Variants in ZNF609 observed in about 807,000 individuals in gnomAD.
ZNF609 encodes zinc finger protein 609.
ZNF609 carries 11 observed loss-of-function variants against 109.5 expected under a neutral mutation model. The observed-to-expected ratio is 0.10, with a 90% CI of 0.06 to 0.17. The LOEUF (loss-of-function observed/expected upper bound fraction) is 0.17, where lower values mean the gene tolerates loss of function less well. Among genes scored for constraint, ZNF609 ranks in the 10% least tolerant of loss-of-function variants. The pLI is 1.00. For synonymous variants in ZNF609, 646 were observed against 662.0 expected, an observed-to-expected ratio of 0.98 and a Z score of 0.37; for missense variants, 1,559 against 1,772.4, an observed-to-expected ratio of 0.88 and a Z score of 2.16.
intron 2 of ZNF609, among the ~76,000 whole-genome samples, chr15:64,604,959 G>A (rs183292870): frequency 7.2e-4 from 109 of 152,196 alleles, no homozygotes; most frequent in African/African-American, 2.5e-3. Context: ...AGCCTCCTGA[G>A]TAGCTGGGAT....
intron 6 of ZNF609, among the ~76,000 whole-genome samples, chr15:64,679,674 G>A (rs1256416466): frequency 6.6e-6 from 1 of 152,180 alleles, no homozygotes; most frequent in African/African-American, 2.4e-5. Context: ...TTTGTTGAGT[G>A]CTCGCCCTGA....
chr15:64,551,248 ATAAGG>A lies in ZNF609; in HGVS notation c.747+51088_747+51092del, dbSNP rs149263917. ...ATTTTGAATTAATTTTTGTTATGGT[ATAAGG>A]TAAGGGTCCAGCTTTTATCTTATGA... On this transcript the variant is annotated intron_variant, in intron 2 of 9. Coordinates refer to ENST00000326648, the MANE Select transcript of ZNF609 (RefSeq NM_015042.2). Among the ~76,000 whole-genome samples, 546 of 152,266 alleles carry A rather than the reference ATAAGG, an allele frequency of 3.6e-3. 2 individuals are homozygous for A. The highest frequency in any genetic ancestry group is 0.011 in the African/African-American group (469 of 41,546).
intron 1 of ZNF609, among the ~76,000 whole-genome samples, chr15:64,475,748 A>G (rs1050555672): frequency 1.3e-5 from 2 of 152,090 alleles, no homozygotes; most frequent in African/African-American, 4.8e-5. Flanking sequence ...CCCTCATTTT[A>G]AGCTCGTGAG....
chr15:64,683,423 TC>T lies in ZNF609; in HGVS notation c.*1741del, dbSNP rs1256506297. On this transcript the variant is annotated 3_prime_UTR_variant, in exon 10 of 10. Coordinates refer to ENST00000326648, the MANE Select transcript of ZNF609 (RefSeq NM_015042.2). ...TAGGGTCACCATCTGCTCAAGAGGA[TC>T]CCCTCTGATCTACAGGCCTTTTCCC... 6.5e-6 allele frequency: 1 copy of T among 152,676 alleles called. No homozygotes were observed. Among genetic ancestry groups the T allele is most frequent in the Non-Finnish European group, 1.5e-5 (1 of 68,068 alleles). 9.5% of individuals were successfully genotyped at this position (152,676 alleles called of 1,614,324 possible). A position where few individuals can be genotyped will look rare whatever the true frequency, so the allele number is the denominator to read the frequency against.
At chr15:64,672,956 C>T (rs556651804) in intron 4 of ZNF609, among the ~76,000 whole-genome samples, 44 of 143,990 alleles carry the variant, frequency 3.1e-4, no homozygotes, top group African/African-American at 1.2e-3. Flanking sequence ...GAGCAAGACT[C>T]CATCTCAAAA....
At chr15:64,534,658 A>G (rs1013649441) in intron 2 of ZNF609, among the ~76,000 whole-genome samples, 3 of 152,090 alleles carry the variant, frequency 2.0e-5, no homozygotes, top group Non-Finnish European at 4.4e-5. Flanking sequence ...TGCACATGTG[A>G]ACACAGTATA....
chr15:64,629,203 T>G (rs544592913), intron 3 of ZNF609, among the ~76,000 whole-genome samples: 1 of 152,326 alleles, frequency 6.6e-6, no homozygotes, highest in South Asian at 2.1e-4. Flanking sequence ...TGCTGAAATA[T>G]CGGTCAATTC....
intron 2 of ZNF609, among the ~76,000 whole-genome samples, chr15:64,548,746 A>T (rs1894410594): frequency 6.6e-6 from 1 of 152,210 alleles, no homozygotes; most frequent in African/African-American, 2.4e-5. Context: ...TGGGCAACAG[A>T]ACAAGATCCT....
intron 2 of ZNF609, among the ~76,000 whole-genome samples, chr15:64,518,832 T>TA (rs57052741): frequency 0.047 from 7,078 of 152,064 alleles, 547 homozygotes; most frequent in African/African-American, 0.16. Context: ...TGGAACCACT[T>TA]ACTCATAGGA....
intron 2 of ZNF609, among the ~76,000 whole-genome samples, chr15:64,565,459 C>G (rs1894761508): frequency 6.6e-6 from 1 of 152,054 alleles, no homozygotes; most frequent in Non-Finnish European, 1.5e-5. Flanking sequence ...CTAGGATAAA[C>G]TAAGTACTAT....
chr15:64,489,240 C>T (rs781255471), intron 1 of ZNF609, among the ~76,000 whole-genome samples: 3 of 151,644 alleles, frequency 2.0e-5, no homozygotes, highest in African/African-American at 4.9e-5. Context: ...GGATGGAGTG[C>T]AGTGGCGCGA....
At chr15:64,642,884 A>G (rs900509050) in intron 3 of ZNF609, among the ~76,000 whole-genome samples, 2 of 152,346 alleles carry the variant, frequency 1.3e-5, no homozygotes, top group Admixed American at 6.5e-5. Flanking sequence ...CACCAATTTA[A>G]GAAGAAAATC....
intron 3 of ZNF609, among the ~76,000 whole-genome samples, chr15:64,645,774 G>A (rs1896326326): frequency 6.6e-6 from 1 of 152,124 alleles, no homozygotes; most frequent in Admixed American, 6.5e-5. Flanking sequence ...ATAATCACAT[G>A]AAAAGATGCT....
chr15:64,671,098 T>C (rs557820071), intron 4 of ZNF609, among the ~76,000 whole-genome samples: 69 of 148,134 alleles, frequency 4.7e-4, no homozygotes, highest in African/African-American at 1.5e-3. Flanking sequence ...TAGTCCCAGC[T>C]ACTCGGGAGG....
chr15:64,512,187 TAGG>T lies in ZNF609; in HGVS notation c.747+12024_747+12026del, dbSNP rs536398598. On this transcript the variant is annotated intron_variant, in intron 2 of 9. Coordinates refer to ENST00000326648, the MANE Select transcript of ZNF609 (RefSeq NM_015042.2). ...CCTGATTTCTCATTATCACCTTAAT[TAGG>T]AGAATTAATTATTGAATTTCTGACA... 1.9e-3 allele frequency among the ~76,000 whole-genome samples: 288 copies of T among 152,274 alleles called. 1 individual carries two copies. Among genetic ancestry groups the T allele is most frequent in the Admixed American group, 2.9e-3 (45 of 15,300 alleles).
At chr15:64,592,890 G>A in intron 2 of ZNF609, 2 of 673,360 alleles carry the variant, frequency 3.0e-6, no homozygotes, top group Non-Finnish European at 5.1e-6. Context: ...CCCAGCCTGG[G>A]CAACAGAGCA....
Position 64,675,298 on chromosome 15 carries a change from A to C in ZNF609, c.2444A>C (p.Asn815Thr). 1 of 1,614,062 alleles carries C rather than the reference A, an allele frequency of 6.2e-7. No homozygotes were observed. The highest frequency in any genetic ancestry group is 8.5e-7 in the Non-Finnish European group (1 of 1,180,006). The change falls in exon 5 of 10, where the codon AAC becomes ACC. Residue 815 changes from asparagine to threonine, a missense_variant. Physicochemically the swap from Asn to Thr is moderately conservative, Grantham distance 65. This residue lies in a region of ZNF609 where 1,204 missense variants were observed against 1,314.1 expected (regional missense o/e 0.92). Transcript: ENST00000326648. Reference protein sequence around the residue: ...PSIGGSSRLENTTPTQPLTPL... With the variant: ...PSIGGSSRLETTTPTQPLTPL... ...ATTGGAGGCAGTAGCCGCCTTGAAA[A>C]CACTACCCCTACTCAGCCCCTGACT... is the stretch of plus-strand genomic sequence containing the variant.
At chr15:64,613,150 G>A (rs1895744243) in intron 2 of ZNF609, among the ~76,000 whole-genome samples, 1 of 151,966 alleles carries the variant, frequency 6.6e-6, no homozygotes, top group African/African-American at 2.4e-5. Flanking sequence ...GCAAAACCTT[G>A]TCTCTACAAA....
rs193080915 is a variant in ZNF609, at chr15:64,629,430, G to T, written c.973+6378G>T. On this transcript the variant is annotated intron_variant, in intron 3 of 9. Transcript: ENST00000326648. Reference sequence around the variant, plus strand: ...TATAAGAGAATTTGGAGGTAGGTAGGTAAGTAGTCTAGGGCTGGTATGATG... The same window carrying T: ...TATAAGAGAATTTGGAGGTAGGTAGTTAAGTAGTCTAGGGCTGGTATGATG... Among the ~76,000 whole-genome samples, 5 of 152,322 alleles carry T rather than the reference G, an allele frequency of 3.3e-5. No individual in the cohort carries two copies. In the East Asian group the frequency reaches 9.6e-4, roughly 29 times the overall value.
Sources: allele counts gnomAD v4.1 joint callset (sites outside exome capture counted in the v4.1 genomes callset), GRCh38; gene constraint gnomAD v4.1.1; regional missense constraint gnomAD v4.1.1; transcripts MANE v1.5; gene names NCBI Gene and HGNC (gene_info 2026-07-23, HGNC 2026-07-21).